The following ZEB1 variants were observed in gnomAD, a reference collection of about 807,000 sequenced individuals.
ZEB1 encodes the protein zinc finger E-box binding homeobox 1, also known as zinc finger E-box-binding homeobox 1.
Under a neutral mutation model 84.9 loss-of-function variants are expected in ZEB1, and 21 were observed. The observed-to-expected ratio is 0.25, with a 90% CI of 0.18 to 0.36. ZEB1 has a LOEUF of 0.36. Among genes scored for constraint, ZEB1 ranks in the 10% least tolerant of loss-of-function variants. The probability of loss-of-function intolerance (pLI) is 1.00; values close to 1 mark genes in which losing one functional copy is unlikely to be tolerated. For missense variants in ZEB1, 1,104 were observed against 1,330.2 expected, an observed-to-expected ratio of 0.83 and a Z score of 2.65; for synonymous variants, 420 against 471.1, an observed-to-expected ratio of 0.89 and a Z score of 1.41.
chr10:31,341,528 A>C (rs2039363056), intron 1 of ZEB1, among the ~76,000 whole-genome samples: 2 of 152,114 alleles, frequency 1.3e-5, no homozygotes, highest in Admixed American at 6.6e-5. Context: ...TGACATCACT[A>C]ATGGAGGAAG....
Position 31,528,008 on chromosome 10 carries a change from CAATGTT to C in ZEB1, c.*748_*753del, listed in dbSNP as rs1380301534. 5 of 152,166 alleles carry C rather than the reference CAATGTT, an allele frequency of 3.3e-5. No homozygotes were observed. The highest frequency in any genetic ancestry group is 9.7e-5 in the African/African-American group (4 of 41,420). 9.4% of individuals were successfully genotyped at this position (152,166 alleles called of 1,614,324 possible). ...ATTGAGTTCTGATTGCAGGGACTAACAATGTTAATCTGATAAGGACAGCAAAATCAT... is the reference window on the plus strand; with the variant it reads ...ATTGAGTTCTGATTGCAGGGACTAACAATCTGATAAGGACAGCAAAATCAT... On this transcript the variant is annotated 3_prime_UTR_variant, in exon 9 of 9. Coordinates refer to ENST00000424869, the MANE Select transcript of ZEB1 (RefSeq NM_001174096.2).
intron 7 of ZEB1, among the ~76,000 whole-genome samples, chr10:31,523,472 G>C (rs1040092779): frequency 6.6e-6 from 1 of 152,208 alleles, no homozygotes; most frequent in South Asian, 2.1e-4. Flanking sequence ...TTTAAAAATA[G>C]AATGTTAGCT....
At chr10:31,494,958 A>G (rs1054997317) in intron 2 of ZEB1, among the ~76,000 whole-genome samples, 3 of 152,084 alleles carry the variant, frequency 2.0e-5, no homozygotes, top group Non-Finnish European at 4.4e-5. Flanking sequence ...ATCAGTAATT[A>G]GAATAACGAA....
chr10:31,377,796 T>A (rs1177373417), intron 1 of ZEB1, among the ~76,000 whole-genome samples: 14 of 151,742 alleles, frequency 9.2e-5, no homozygotes. Context: ...AAATAAAGTT[T>A]CAACATGTAC....
intron 1 of ZEB1, among the ~76,000 whole-genome samples, chr10:31,431,120 G>T (rs1457587112): frequency 2.0e-5 from 3 of 152,168 alleles, no homozygotes; most frequent in East Asian, 1.9e-4. Context: ...GGGGTATGTG[G>T]AGGGGTTGAT....
chr10:31,362,485 C>T (rs555674851), intron 1 of ZEB1, among the ~76,000 whole-genome samples: 85 of 147,106 alleles, frequency 5.8e-4, no homozygotes, highest in Admixed American at 1.3e-3. Flanking sequence ...CCAGACAGGG[C>T]GGCGGCCTGG....
At chr10:31,471,637 C>T (rs1380015730) in intron 2 of ZEB1, among the ~76,000 whole-genome samples, 2 of 147,068 alleles carry the variant, frequency 1.4e-5, no homozygotes, top group Non-Finnish European at 3.0e-5. Context: ...CCACTGTCAA[C>T]ATTAGACAGA....
chr10:31,377,671 T>C (rs1055884151), intron 1 of ZEB1, among the ~76,000 whole-genome samples: 9 of 151,880 alleles, frequency 5.9e-5, no homozygotes, highest in Non-Finnish European at 1.0e-4. Context: ...TGCATCACTT[T>C]GCGATCTTTT....
intron 1 of ZEB1, chr10:31,387,601 T>G: frequency 2.5e-6 from 1 of 402,454 alleles, no homozygotes; most frequent in Non-Finnish European, 3.4e-6. Context: ...GGATTAAGAA[T>G]TTTGAAACAA....
chr10:31,472,543 A>C (rs1174886675), intron 2 of ZEB1, among the ~76,000 whole-genome samples: 3 of 147,896 alleles, frequency 2.0e-5, no homozygotes, highest in Non-Finnish European at 3.0e-5. Flanking sequence ...CAATAACAGG[A>C]TCTGAAATTG....
chr10:31,489,696 A>G (rs1419048112), intron 2 of ZEB1, among the ~76,000 whole-genome samples: 1 of 151,346 alleles, frequency 6.6e-6, no homozygotes, highest in South Asian at 2.1e-4. Flanking sequence ...TTCACAGTCT[A>G]TTTAGAATCA....
intron 1 of ZEB1, among the ~76,000 whole-genome samples, chr10:31,414,657 T>C (rs1302001354): frequency 6.6e-6 from 1 of 152,190 alleles, no homozygotes; most frequent in East Asian, 1.9e-4. Context: ...TGAGTTGATA[T>C]TTTCACATTT....
chr10:31,441,781 T>A (rs2059026004), intron 1 of ZEB1, among the ~76,000 whole-genome samples: 1 of 152,172 alleles, frequency 6.6e-6, no homozygotes, highest in African/African-American at 2.4e-5. Flanking sequence ...GACATTTATT[T>A]ATGCAACCAA....
chr10:31,477,769 A>G (rs1386098518), intron 2 of ZEB1, among the ~76,000 whole-genome samples: 1 of 152,014 alleles, frequency 6.6e-6, no homozygotes, highest in Non-Finnish European at 1.5e-5. Context: ...GGGAAAGGAC[A>G]TCCTATTCAG....
rs1396684329 is a variant in ZEB1 at position 31,514,922 on chromosome 10, G to T, written c.793+214G>T. The stretch of plus-strand genomic sequence containing the variant: ...AATTAATATAGTATGACATACTCCA[G>T]ATTTCCTAATCAGAAGATAATATAG... On this transcript the variant is annotated intron_variant, in intron 6 of 8. Coordinates refer to ENST00000424869, the MANE Select transcript of ZEB1 (RefSeq NM_001174096.2). Among the ~76,000 whole-genome samples the T allele has an allele frequency of 2.0e-5, 3 of 151,948 alleles. 1 individual carries two copies. Among genetic ancestry groups the T allele is most frequent in the Admixed American group, 2.0e-4 (3 of 15,226 alleles).
At chr10:31,509,223 C>G (rs748182612) in intron 4 of ZEB1, among the ~76,000 whole-genome samples, 2 of 152,128 alleles carry the variant, frequency 1.3e-5, no homozygotes, top group Non-Finnish European at 2.9e-5. Context: ...GCTCCCTCTC[C>G]GGAGCAGCAT....
At chr10:31,515,288 A>G (rs915506732) in intron 6 of ZEB1, among the ~76,000 whole-genome samples, 11 of 152,064 alleles carry the variant, frequency 7.2e-5, no homozygotes, top group Admixed American at 7.2e-4. Flanking sequence ...TTATGCGATG[A>G]AAGTGTTGTG....
At chr10:31,347,416 G>A (rs949453389) in intron 1 of ZEB1, among the ~76,000 whole-genome samples, 7 of 152,196 alleles carry the variant, frequency 4.6e-5, no homozygotes, top group Middle Eastern at 3.4e-3. Flanking sequence ...TAGCTATTTT[G>A]CCCAGGCTGG....
intron 1 of ZEB1, among the ~76,000 whole-genome samples, chr10:31,442,545 C>T (rs2136602013): frequency 6.7e-6 from 1 of 149,788 alleles, no homozygotes; most frequent in Non-Finnish European, 1.5e-5. Flanking sequence ...TACCCTAGAA[C>T]TTAAAAGTAT....
Sources: gnomAD v4.1 joint callset for allele counts (sites outside exome capture counted in the v4.1 genomes callset) on GRCh38, gnomAD v4.1.1 for gene constraint, MANE v1.5 for transcripts, NCBI Gene and HGNC (gene_info 2026-07-23, HGNC 2026-07-21) for gene names.